ZNF362: variants seen among roughly 807,000 people sequenced by gnomAD.
ZNF362 encodes the protein rotund homolog.
Under a neutral mutation model 42.9 loss-of-function variants are expected in ZNF362, and 11 were observed. The ratio of observed to expected loss-of-function variants is 0.26; its 90% CI spans 0.16 to 0.42. The LOEUF (loss-of-function observed/expected upper bound fraction) is 0.42. Among genes scored for constraint, ZNF362 ranks in the 20% least tolerant of loss-of-function variants. The pLI, the probability that ZNF362 is intolerant of heterozygous loss-of-function variation, is 1.00. For missense variants in ZNF362, 362 were observed against 576.2 expected (o/e 0.63, Z 3.81); for synonymous variants, 255 against 257.3 (o/e 0.99, Z 0.09).
the ZNF362 span, among the ~76,000 whole-genome samples, chr1:33,136,692 C>T: frequency 2.6e-5 from 4 of 151,190 alleles, no homozygotes; most frequent in East Asian, 8.2e-4. Flanking sequence ...TCCGGTTCCC[C>T]AACAACTGTC....
rs894725673 is a variant in ZNF362, at chr1:33,266,893, G to C, written c.-88-3594G>C. Among the ~76,000 whole-genome samples the C allele has an allele frequency of 6.6e-6, 1 of 152,216 alleles. No homozygotes were observed. The highest frequency in any genetic ancestry group is 1.5e-5 in the Non-Finnish European group (1 of 68,042). ...CTTCTTGGCGAAAACCCGAGCATCA[G>C]ACTGTGGAGTTTGAACTATACCCCA... On this transcript the variant is annotated intron_variant, in intron 1 of 8. Transcript: ENST00000539719. This position sits in a 1 kb window ranked among gnomAD's most constrained non-coding sequence, Gnocchi z 4.3.
chr1:33,282,827 GAA>G (rs11332548), intron 6 of ZNF362, among the ~76,000 whole-genome samples: 92 of 132,946 alleles, frequency 6.9e-4, no homozygotes, highest in East Asian at 1.1e-3. Flanking sequence ...TGTCTCAAGA[GAA>G]AAAAAAAAAA....
At chr1:33,246,637 CT>C in the ZNF362 span, among the ~76,000 whole-genome samples, 1 of 152,228 alleles carries the variant, frequency 6.6e-6, no homozygotes, top group Non-Finnish European at 1.5e-5. Flanking sequence ...TGCTATTTCT[CT>C]GTTCCTGGTG....
chr1:33,147,529 TCCGCCACCA>T, the ZNF362 span: 2 of 1,613,738 alleles, frequency 1.2e-6, no homozygotes, highest in Non-Finnish European at 8.5e-7. The surrounding 1 kb of genome is among the most constrained non-coding windows in gnomAD (Gnocchi z 8.1). Flanking sequence ...CTGGGTCTTC[TCCGCCACCA>T]CCACCTCCCA....
At chr1:33,174,217 G>T in the ZNF362 span, among the ~76,000 whole-genome samples, 1 of 150,754 alleles carries the variant, frequency 6.6e-6, no homozygotes. Flanking sequence ...TCACTCTGTT[G>T]CCCAGGCTGG....
intron 8 of ZNF362, among the ~76,000 whole-genome samples, chr1:33,296,505 A>C (rs1646125509): frequency 6.6e-6 from 1 of 152,186 alleles, no homozygotes; most frequent in African/African-American, 2.4e-5. Flanking sequence ...ATTGAGAACC[A>C]CTGTGATAAA....
At chr1:33,132,266 G>T in the ZNF362 span, among the ~76,000 whole-genome samples, 1 of 152,296 alleles carries the variant, frequency 6.6e-6, no homozygotes, top group Admixed American at 6.5e-5. Flanking sequence ...CTAGGGGTCA[G>T]CAAACCTTTT....
In ZNF362 at chr1:33,276,587, C is replaced by T. The variant is rs772115857; in HGVS notation, c.342C>T (p.Thr114=). 10 of 1,361,312 alleles carry T rather than the reference C, an allele frequency of 7.3e-6. No homozygotes were observed. In the African/African-American group the frequency reaches 7.7e-5, roughly 10 times the overall value. 84.3% of individuals were successfully genotyped at this position (1,361,312 alleles called of 1,614,324 possible). ...VALHARPATS[T]VTGLGLSTRT... ...TGCACGCACGGCCGGCCACCAGCAC[C>T]GTCACAGGTAGGCCGAGCGGGCGGG... The change falls in exon 4 of 9, where the codon ACC becomes ACT. Residue 114 remains threonine, a synonymous_variant. Coordinates refer to ENST00000539719, the MANE Select transcript of ZNF362 (RefSeq NM_152493.3).
chr1:33,201,302 A>T, the ZNF362 span, among the ~76,000 whole-genome samples: 1 of 152,242 alleles, frequency 6.6e-6, no homozygotes, highest in Non-Finnish European at 1.5e-5. Flanking sequence ...TCTAATAGAC[A>T]TTTATAGAAC....
the ZNF362 span, among the ~76,000 whole-genome samples, chr1:33,249,611 G>A: frequency 6.6e-6 from 1 of 152,100 alleles, no homozygotes; most frequent in Admixed American, 6.6e-5. Context: ...GTTTCACACC[G>A]ACGTGAATTA....
the ZNF362 span, among the ~76,000 whole-genome samples, chr1:33,227,584 C>T: frequency 1.4e-4 from 21 of 152,310 alleles, no homozygotes; most frequent in East Asian, 3.9e-4. Flanking sequence ...TCTCAGTTAA[C>T]GCCTTAGACA....
chr1:33,250,852 G>GGAAGAAGGAAGAAGAAGAA, the ZNF362 span, among the ~76,000 whole-genome samples: 1 of 137,484 alleles, frequency 7.3e-6, no homozygotes, highest in African/African-American at 2.8e-5. Context: ...GAAGAAAGAA[G>GGAAGAAGGAAGAAGAAGAA]GAAGAAGAAG....
chr1:33,252,440 A>G (rs1645767046), upstream of ZNF362, among the ~76,000 whole-genome samples: 1 of 152,242 alleles, frequency 6.6e-6, no homozygotes, highest in South Asian at 2.1e-4. Flanking sequence ...AGAAGGTCAC[A>G]AGTTCCAGTG....
chr1:33,213,700 CTG>C, the ZNF362 span, among the ~76,000 whole-genome samples: 1 of 152,024 alleles, frequency 6.6e-6, no homozygotes, highest in Non-Finnish European at 1.5e-5. Context: ...TAAAAATTAA[CTG>C]GGCGTGGTGG....
Position 33,276,145 on chromosome 1 carries a change from T to A in ZNF362, c.84T>A (p.Pro28=), listed in dbSNP as rs1212268904. Residue 28 remains proline (P), a synonymous_variant, in exon 3 of 9, where the codon CCT becomes CCA. Transcript: ENST00000539719. ...RFNNPYFWPP[P]PTMPSQLDNL... The stretch of plus-strand genomic sequence containing the variant: ...ACAACCCCTACTTCTGGCCCCCTCC[T>A]CCCACCATGCCCAGCCAGGTAAGAC... 3 of 1,613,802 alleles carry A rather than the reference T, an allele frequency of 1.9e-6. No individual in the cohort carries two copies. The highest frequency in any genetic ancestry group is 2.5e-6 in the Non-Finnish European group (3 of 1,179,986).
chr1:33,260,885 A>C (rs1645824229), intron 1 of ZNF362, among the ~76,000 whole-genome samples: 1 of 152,164 alleles, frequency 6.6e-6, no homozygotes, highest in Non-Finnish European at 1.5e-5. Context: ...AGCATCTGAG[A>C]AGCTTTCCAG....
At chr1:33,279,363 A>G (rs1020215262) in intron 4 of ZNF362, among the ~76,000 whole-genome samples, 7 of 152,116 alleles carry the variant, frequency 4.6e-5, no homozygotes, top group African/African-American at 7.2e-5. Flanking sequence ...ACTACCCTTC[A>G]TTAACATTAA....
chr1:33,177,055 A>G, the ZNF362 span, among the ~76,000 whole-genome samples: 8,152 of 87,940 alleles, frequency 0.093, 420 homozygotes, highest in African/African-American at 0.19. This position sits in a 1 kb window ranked among gnomAD's most constrained non-coding sequence, Gnocchi z 4.1. Flanking sequence ...ACACACGCAC[A>G]CACACACACA....
chr1:33,282,867 T>A (rs1557795687), intron 6 of ZNF362, among the ~76,000 whole-genome samples: 1 of 148,474 alleles, frequency 6.7e-6, no homozygotes, highest in Non-Finnish European at 1.5e-5. Flanking sequence ...GGTATAGACA[T>A]CAGAAAGACT....
Sources: allele counts gnomAD v4.1 joint callset (sites outside exome capture counted in the v4.1 genomes callset), GRCh38; gene constraint gnomAD v4.1.1; non-coding constraint Gnocchi (gnomAD v3.1); transcripts MANE v1.5; gene names NCBI Gene and HGNC (gene_info 2026-07-23, HGNC 2026-07-21).